Variants in TMEM204 observed in about 807,000 individuals in gnomAD.
TMEM204 encodes the protein transmembrane protein 204.
A neutral mutation model predicts 19.4 loss-of-function variants in TMEM204; 15 were observed. That is an observed-to-expected ratio of 0.77 (90% CI 0.52 to 1.19). TMEM204 has a LOEUF of 1.19. Ranked by LOEUF, TMEM204 falls within the 50% of genes most tolerant of loss-of-function variation. The pLI is 0.00. For synonymous variants in TMEM204, 161 were observed against 146.0 expected (o/e 1.10, Z -0.74); for missense variants, 287 against 321.2 (o/e 0.89, Z 0.81).
At chr16:1,543,011 G>A (rs927340406) in intron 2 of TMEM204, among the ~76,000 whole-genome samples, 5 of 152,240 alleles carry the variant, frequency 3.3e-5, no homozygotes, top group South Asian at 2.1e-4. Flanking sequence ...GCGACCCCAG[G>A]GGGCTCTGCT....
At position 1,534,555 on chromosome 16, in the gene TMEM204, C is replaced by G. The variant is rs148391234; in HGVS notation, c.280C>G (p.Leu94Val). ...CCAGGAGTCCCGAGGCACCGTCAAA[C>G]GTAAGTCCAATTGTTTTCCTGATGC... The part of the protein sequence containing the change: ...GFQESRGTVK[L>V]QFDMMRACNL... Residue 94 changes from leucine (L) to valine (V), a missense_variant and splice_region_variant, in exon 1 of 3, where the codon CTG (leucine) becomes GTG (valine). Coordinates refer to ENST00000566264, the MANE Select transcript of TMEM204 (RefSeq NM_024600.6). 3 of 1,601,526 alleles carry G rather than the reference C, an allele frequency of 1.9e-6. No homozygotes were observed. Among genetic ancestry groups the G allele is most frequent in the East Asian group, 4.5e-5 (2 of 44,888 alleles).
chr16:1,553,750 G>A lies in TMEM204; in HGVS notation c.437-1032G>A, dbSNP rs527863189. On this transcript the variant is annotated intron_variant, in intron 2 of 2. Coordinates refer to ENST00000566264, the MANE Select transcript of TMEM204 (RefSeq NM_024600.6). The surrounding 1 kb of genome is among the most constrained non-coding windows in gnomAD (Gnocchi z 4.4). ...CCACATCCCCATGGCTGTAGGGGAT[G>A]AGGAGGGGCAGGGCCATGTGGACAG... 4.3e-6 allele frequency: 5 copies of A among 1,157,546 alleles called. No individual in the cohort carries two copies. The East Asian group carries it at 2.4e-4, about 55-fold the overall frequency. 71.7% of individuals were successfully genotyped at this position (1,157,546 alleles called of 1,614,324 possible). A position where few individuals can be genotyped will look rare whatever the true frequency, so the allele number is the denominator to read the frequency against.
chr16:1,542,166 G>A, intron 2 of TMEM204, 90 bp downstream of exon 2: 1 of 1,372,570 alleles, frequency 7.3e-7, no homozygotes, highest in Non-Finnish European at 9.6e-7. Context: ...GGGTGGCCTG[G>A]GGGGAAGCTG....
In TMEM204 at chr16:1,534,551, C is replaced by A. The variant is rs762986957; in HGVS notation, c.276C>A (p.Val92=). The stretch of plus-strand genomic sequence containing the variant: ...GCTTCCAGGAGTCCCGAGGCACCGT[C>A]AAACGTAAGTCCAATTGTTTTCCTG... The part of the protein sequence containing the change: ...AAGFQESRGT[V]KLQFDMMRAC... The change falls in exon 1 of 3, where the codon GTC becomes GTA. Residue 92 remains valine (V), a synonymous_variant. Transcript: ENST00000566264. The A allele has an allele frequency of 9.4e-6, 15 of 1,602,682 alleles. No homozygotes were observed. Among genetic ancestry groups the A allele is most frequent in the Non-Finnish European group, 1.2e-5 (14 of 1,179,842 alleles).
upstream of TMEM204, among the ~76,000 whole-genome samples, chr16:1,530,274 A>C (rs2030325617): frequency 6.6e-6 from 1 of 151,354 alleles, no homozygotes; most frequent in Non-Finnish European, 1.5e-5. Flanking sequence ...TTGGGACTAC[A>C]GGCATGCGCC....
chr16:1,542,731 A>G (rs985409791), intron 2 of TMEM204, among the ~76,000 whole-genome samples: 4 of 152,232 alleles, frequency 2.6e-5, no homozygotes, highest in Non-Finnish European at 4.4e-5. Context: ...TGGCTCGGAC[A>G]CTGATGCAGA....
In TMEM204 at chr16:1,551,776, G is replaced by C. The variant is rs892231164; in HGVS notation, c.437-3006G>C. ...AGGCCACACCACACGTGCGTGGTCC[G>C]GCAGATCCGGCAAGATCAACTCTGC... On this transcript the variant is annotated intron_variant, in intron 2 of 2. Coordinates refer to ENST00000566264, the MANE Select transcript of TMEM204 (RefSeq NM_024600.6). This position sits in a 1 kb window ranked among gnomAD's most constrained non-coding sequence, Gnocchi z 4.0. Among the ~76,000 whole-genome samples the C allele has an allele frequency of 6.6e-6, 1 of 152,188 alleles. No individual in the cohort carries two copies.
At chr16:1,546,633 G>A (rs1030121688) in intron 2 of TMEM204, among the ~76,000 whole-genome samples, 2 of 152,218 alleles carry the variant, frequency 1.3e-5, no homozygotes, top group African/African-American at 4.8e-5. Flanking sequence ...CCCCACCTAG[G>A]CCTGTCTCCC....
At chr16:1,535,942 C>T (rs2031022947) in intron 1 of TMEM204, among the ~76,000 whole-genome samples, 1 of 152,270 alleles carries the variant, frequency 6.6e-6, no homozygotes, top group South Asian at 2.1e-4. Context: ...AGGCGCCCTT[C>T]TTCCAGACTC....
rs373007828 is a variant in TMEM204 at position 1,544,850 on chromosome 16, G to A, written c.436+2774G>A. ...TTTTTAGTAGAGACGGGGTTTCACCGTGTTAGCCAGGATGGTCTCGATCTC... is the reference window on the plus strand; with the variant it reads ...TTTTTAGTAGAGACGGGGTTTCACCATGTTAGCCAGGATGGTCTCGATCTC... On this transcript the variant is annotated intron_variant, in intron 2 of 2. Coordinates refer to ENST00000566264, the MANE Select transcript of TMEM204 (RefSeq NM_024600.6). Among the ~76,000 whole-genome samples, 26 of 149,090 alleles carry A rather than the reference G, an allele frequency of 1.7e-4. No homozygotes were observed. The East Asian group carries it at 2.3e-3, about 13-fold the overall frequency.
chr16:1,534,700 G>C, intron 1 of TMEM204, 145 bp downstream of exon 1: 2 of 1,217,712 alleles, frequency 1.6e-6, no homozygotes, highest in Non-Finnish European at 2.3e-6. Context: ...GCAGGAGGGG[G>C]CACTGTGTCT....
rs572314467 is a variant in TMEM204 at position 1,543,038 on chromosome 16, CTG to C, written c.436+963_436+964del. Among the ~76,000 whole-genome samples the C allele has an allele frequency of 2.6e-3, 398 of 152,362 alleles. 2 individuals are homozygous for C. The highest frequency in any genetic ancestry group is 4.3e-3 in the Non-Finnish European group (292 of 68,024). ...GGCTCTGCTGGTCTTCTGTGGCTGA[CTG>C]AGAGGTTTGAAGACTGTGGGCATCT... On this transcript the variant is annotated intron_variant, in intron 2 of 2. Transcript: ENST00000566264.
At chr16:1,543,415 G>T (rs981260726) in intron 2 of TMEM204, among the ~76,000 whole-genome samples, 2 of 152,340 alleles carry the variant, frequency 1.3e-5, no homozygotes, top group East Asian at 1.9e-4. Context: ...CTCTCTGAGC[G>T]CTATTAATAG....
intron 1 of TMEM204, among the ~76,000 whole-genome samples, chr16:1,537,059 T>G (rs1340445312): frequency 1.3e-5 from 2 of 152,214 alleles, no homozygotes; most frequent in African/African-American, 4.8e-5. Context: ...CTTCCTGCCT[T>G]GGCCAGTGTT....
chr16:1,546,158 G>A (rs1456404164), intron 2 of TMEM204, among the ~76,000 whole-genome samples: 2 of 152,240 alleles, frequency 1.3e-5, no homozygotes, highest in African/African-American at 4.8e-5. Flanking sequence ...GGGGGTCAGG[G>A]CAAGTTGCCA....
At chr16:1,537,841 C>T (rs141085747) in intron 1 of TMEM204, among the ~76,000 whole-genome samples, 2,036 of 152,330 alleles carry the variant, frequency 0.013, 31 homozygotes, top group South Asian at 0.044. Context: ...CCCCTCTCTC[C>T]GGTGGCTCCA....
chr16:1,539,959 G>T (rs570946460), intron 1 of TMEM204, among the ~76,000 whole-genome samples: 1 of 152,310 alleles, frequency 6.6e-6, no homozygotes, highest in East Asian at 1.9e-4. Context: ...GGCCGGAGCG[G>T]GCACAGTGGA....
intron 1 of TMEM204, chr16:1,541,387 C>T: frequency 1.0e-6 from 1 of 985,428 alleles, no homozygotes; most frequent in Non-Finnish European, 1.2e-6. Context: ...GTCCCAAGTC[C>T]CTCAGCTGCT....
upstream of TMEM204, among the ~76,000 whole-genome samples, chr16:1,529,455 G>A (rs924285469): frequency 3.9e-5 from 6 of 152,350 alleles, no homozygotes; most frequent in South Asian, 2.1e-4. Context: ...TCGGCGCTGC[G>A]GTGAAGGTGA....
Sources: gnomAD v4.1 joint callset for allele counts (sites outside exome capture counted in the v4.1 genomes callset) on GRCh38, gnomAD v4.1.1 for gene constraint, Gnocchi (gnomAD v3.1) non-coding constraint, MANE v1.5 for transcripts, NCBI Gene and HGNC (gene_info 2026-07-23, HGNC 2026-07-21) for gene names.